NELFCD: variants seen among roughly 807,000 people sequenced by gnomAD.
NELFCD encodes the protein negative elongation factor complex member C/D, also known as negative elongation factor C/D.
NELFCD carries 48 observed loss-of-function variants against 72.9 expected under a neutral mutation model. That is an observed-to-expected ratio of 0.66 (90% confidence interval 0.52 to 0.84). The LOEUF is 0.84. Among genes scored for constraint, NELFCD ranks in the 40% least tolerant of loss-of-function variants. NELFCD has a pLI of 0.00. For synonymous variants in NELFCD, 297 were observed against 280.6 expected, an observed-to-expected ratio of 1.06 and a Z score of -0.59; for missense variants, 538 against 723.8, an observed-to-expected ratio of 0.74 and a Z score of 2.94.
chr20:58,990,765 T>G, intron 7 of NELFCD, 145 bp from the exon 8 acceptor site: 1 of 684,518 alleles, frequency 1.5e-6, no homozygotes, highest in Non-Finnish European at 2.5e-6. Flanking sequence ...TCCAGTGTTG[T>G]AAATGTTATT....
intron 6 of NELFCD, 96 bp from the exon 7 acceptor site, chr20:58,989,762 C>T (rs757688195): frequency 6.2e-7 from 1 of 1,606,174 alleles, no homozygotes. Context: ...CCAGGATGCT[C>T]ACTCCCGGGC....
intron 4 of NELFCD, among the ~76,000 whole-genome samples, chr20:58,988,396 G>A (rs1230786069): frequency 6.6e-6 from 1 of 152,222 alleles, no homozygotes; most frequent in African/African-American, 2.4e-5. Context: ...TGCTTTTGAG[G>A]CCCTGCTGCA....
chr20:58,991,761 T>C, intron 9 of NELFCD, 120 bp from the exon 10 acceptor site: 1 of 1,189,430 alleles, frequency 8.4e-7, no homozygotes, highest in South Asian at 1.6e-5. Context: ...ACAGCTGAAT[T>C]GACTCCCAAC....
rs1195666150 is a variant in NELFCD, at chr20:58,993,577, TGAG to T, written c.1440+39_1441-39del. On this transcript the variant is annotated intron_variant, in intron 12 of 14. Transcript: ENST00000652272. This position sits in a 1 kb window ranked among gnomAD's most constrained non-coding sequence, Gnocchi z 5.0. ...GTGCCCGTGGGGCTTGCCAGAGGGC[TGAG>T]GAGGACCCTCTCTAACCAGCTCCCT... The T allele has an allele frequency of 1.2e-6, 2 of 1,614,078 alleles. No homozygotes were observed. The highest frequency in any genetic ancestry group is 1.6e-4 in the Middle Eastern group (1 of 6,084).
In NELFCD at chr20:58,993,580, G is replaced by A. The variant is rs1055788621; in HGVS notation, c.1440+36G>A. ...CCCGTGGGGCTTGCCAGAGGGCTGAGGAGGACCCTCTCTAACCAGCTCCCT... is the reference window on the plus strand; with the variant it reads ...CCCGTGGGGCTTGCCAGAGGGCTGAAGAGGACCCTCTCTAACCAGCTCCCT... On this transcript the variant is annotated intron_variant, in intron 12 of 14. Transcript: ENST00000652272. This position sits in a 1 kb window ranked among gnomAD's most constrained non-coding sequence, Gnocchi z 5.0. 1 of 1,614,202 alleles carries A rather than the reference G, an allele frequency of 6.2e-7. No individual in the cohort carries two copies. The highest frequency in any genetic ancestry group is 2.2e-5 in the East Asian group (1 of 44,886).
In NELFCD at chr20:58,981,327, C is replaced by A; in HGVS notation, c.18C>A (p.Tyr6Ter). 9.1e-7 allele frequency: 1 copy of A among 1,103,128 alleles called. No homozygotes were observed. 68.3% of individuals were successfully genotyped at this position (1,103,128 alleles called of 1,614,324 possible). Residue 6 changes from tyrosine (Y) to a stop codon, truncating the protein, a stop_gained, in exon 1 of 15, where the codon TAC becomes TAA. Coordinates refer to ENST00000652272, the MANE Select transcript of NELFCD (RefSeq NM_198976.4). LOFTEE classifies it high-confidence loss of function. The part of the protein sequence containing the change: MDEDY[Y>*]GSAAEWGDEA... ...GCGCCATCATGGACGAGGACTACTA[C>A]GGGAGCGCGGCCGAGTGGGGCGACG...
intron 6 of NELFCD, 44 bp downstream of exon 6, chr20:58,989,684 T>C (rs746100841): frequency 6.2e-7 from 1 of 1,613,416 alleles, no homozygotes; most frequent in Non-Finnish European, 8.5e-7. Flanking sequence ...GGAGGCTGCT[T>C]TGGGTCTTGG....
intron 5 of NELFCD, chr20:58,989,280 A>T: frequency 1.5e-6 from 1 of 649,742 alleles, no homozygotes; most frequent in Admixed American, 2.8e-5. Context: ...TGCCTGCTTG[A>T]TCTTCCTCTT....
Position 58,993,928 on chromosome 20 carries a change from A to G in NELFCD, c.1581+164A>G. 9.4e-7 allele frequency: 1 copy of G among 1,069,184 alleles called. No homozygotes were observed. The highest frequency in any genetic ancestry group is 1.4e-6 in the Non-Finnish European group (1 of 726,246). 66.2% of individuals were successfully genotyped at this position (1,069,184 alleles called of 1,614,324 possible). A position where few individuals can be genotyped will look rare whatever the true frequency, so the allele number is the denominator to read the frequency against. On this transcript the variant is annotated intron_variant, in intron 13 of 14. Transcript: ENST00000652272. This position sits in a 1 kb window ranked among gnomAD's most constrained non-coding sequence, Gnocchi z 5.0. The stretch of plus-strand genomic sequence containing the variant: ...CCAAAAAGCACCTTCTGCCTGCAGC[A>G]GCTGTATGACACACTTTACCTCCAT...
At chr20:58,985,362 G>A (rs2146348900) in intron 1 of NELFCD, among the ~76,000 whole-genome samples, 1 of 152,330 alleles carries the variant, frequency 6.6e-6, no homozygotes, top group Middle Eastern at 3.4e-3. Flanking sequence ...TTCCTTGGTT[G>A]ATGAGCATAG....
chr20:58,988,932 C>T lies in NELFCD; in HGVS notation c.415C>T (p.Gln139Ter). ...EEGETPAWLEQMIAHTTWRDL... is the reference protein window; with the variant it reads ...EEGETPAWLE ...TTGGCAGACCCCAGCGTGGCTGGAACAGATGATTGCACATACCACGTGGCG... is the reference window on the plus strand; with the variant it reads ...TTGGCAGACCCCAGCGTGGCTGGAATAGATGATTGCACATACCACGTGGCG... The change falls in exon 5 of 15, where the codon CAG becomes TAG. Residue 139 changes from glutamine to a stop codon, truncating the protein, a stop_gained. Coordinates refer to ENST00000652272, the MANE Select transcript of NELFCD (RefSeq NM_198976.4). LOFTEE classifies it high-confidence loss of function. The T allele has an allele frequency of 6.2e-7, 1 of 1,614,108 alleles. No individual in the cohort carries two copies. The highest frequency in any genetic ancestry group is 8.5e-7 in the Non-Finnish European group (1 of 1,179,926).
Position 58,986,245 on chromosome 20 carries a change from G to C in NELFCD, c.176+37G>C, listed in dbSNP as rs1380964620. 2 of 1,396,344 alleles carry C rather than the reference G, an allele frequency of 1.4e-6. No homozygotes were observed. Among genetic ancestry groups the C allele is most frequent in the South Asian group, 2.3e-5 (2 of 86,478 alleles). The allele number at this position is 1,396,344 out of a possible 1,614,324, so 86.5% of individuals were successfully genotyped here. A position where few individuals can be genotyped will look rare whatever the true frequency, so the allele number is the denominator to read the frequency against. On this transcript the variant is annotated intron_variant, in intron 2 of 14. Transcript: ENST00000652272. The surrounding 1 kb of genome is among the most constrained non-coding windows in gnomAD (Gnocchi z 4.4). ...AGGTGTCTGTATTGGGAGGAGGCTG[G>C]GGGTAATTTAGAGAAAGTTTTGTAA...
chr20:58,986,787 T>C lies in NELFCD; in HGVS notation c.210T>C (p.Val70=), dbSNP rs909859276. The C allele has an allele frequency of 6.2e-7, 1 of 1,614,016 alleles. No homozygotes were observed. Among genetic ancestry groups the C allele is most frequent in the Non-Finnish European group, 8.5e-7 (1 of 1,179,888 alleles). ...YFQAGGSPEN[V]IQLLSENYTA... ...AGGCAGGAGGGTCTCCAGAGAATGT[T>C]ATCCAGCTCTTATCTGAAAACTACA... The change falls in exon 3 of 15, where the codon GTT becomes GTC. Residue 70 remains valine (V), a synonymous_variant. Transcript: ENST00000652272. This position sits in a 1 kb window ranked among gnomAD's most constrained non-coding sequence, Gnocchi z 4.4.
At position 58,989,642 on chromosome 20, in the gene NELFCD, TA is replaced by T. The variant is rs1414051171; in HGVS notation, c.657+4del. The T allele has an allele frequency of 6.2e-7, 1 of 1,614,062 alleles. No homozygotes were observed. The highest frequency in any genetic ancestry group is 8.5e-7 in the Non-Finnish European group (1 of 1,180,026). On this transcript the variant is annotated splice_donor_region_variant and intron_variant, in intron 6 of 14. Transcript: ENST00000652272. ...GAAAAAAATCTCCCTGAGTTTGCCG[TA>T]AGTTCTTTCTTTATGAACCTCAGAT...
rs368566687 is a variant in NELFCD, at chr20:58,991,045, C to T, written c.924C>T (p.Phe308=). 6.2e-7 allele frequency: 1 copy of T among 1,614,170 alleles called. No homozygotes were observed. The highest frequency in any genetic ancestry group is 8.5e-7 in the Non-Finnish European group (1 of 1,180,014). The change falls in exon 8 of 15, where the codon TTC becomes TTT. Residue 308 remains phenylalanine (F), a synonymous_variant. Transcript: ENST00000652272. ...PADITVLFKM[F]TSMDPPPVEL... The stretch of plus-strand genomic sequence containing the variant: ...ACATCACCGTCCTGTTCAAGATGTT[C>T]ACAAGCATGGACCCTCCTCCGGTTG...
At chr20:58,990,782 G>A (rs1244291475) in intron 7 of NELFCD, 128 bp from the exon 8 acceptor site, 3 of 760,702 alleles carry the variant, frequency 3.9e-6, no homozygotes, top group Non-Finnish European at 6.4e-6. Context: ...TATTTTTGTG[G>A]GTCAGTCAGT....
chr20:58,991,358 A>T lies in NELFCD; in HGVS notation c.1001A>T (p.Lys334Ile). The T allele has an allele frequency of 6.2e-7, 1 of 1,614,182 alleles. No individual in the cohort carries two copies. The highest frequency in any genetic ancestry group is 8.5e-7 in the Non-Finnish European group (1 of 1,180,034). ...FLDLFMQSLF[K>I]PGARINQDHK... ...GACCTGTTCATGCAGTCACTCTTTAAACCAGGGGCTCGGATCAACCAGGAC... is the reference window on the plus strand; with the variant it reads ...GACCTGTTCATGCAGTCACTCTTTATACCAGGGGCTCGGATCAACCAGGAC... Residue 334 changes from lysine (K) to isoleucine (I), a missense_variant, in exon 9 of 15, where the codon AAA becomes ATA. Lys to Ile is a moderately radical substitution (Grantham distance 102, BLOSUM62 -3). Transcript: ENST00000652272.
rs1569056832 is a variant in NELFCD at position 58,986,094 on chromosome 20, A to G, written c.62A>G (p.Gln21Arg). Residue 21 changes from glutamine to arginine, a missense_variant and splice_region_variant, in exon 2 of 15, where the codon CAG (glutamine) becomes CGG (arginine). Coordinates refer to ENST00000652272, the MANE Select transcript of NELFCD (RefSeq NM_198976.4). This position sits in a 1 kb window ranked among gnomAD's most constrained non-coding sequence, Gnocchi z 4.4. ...EWGDEADGGQ[Q>R]EDDSGEGEDD... The stretch of plus-strand genomic sequence containing the variant: ...CTGGCTCTTCGCATTTACCAACAGC[A>G]GGAGGATGATTCTGGAGAAGGAGAG... 1 of 1,607,408 alleles carries G rather than the reference A, an allele frequency of 6.2e-7. No individual in the cohort carries two copies. Among genetic ancestry groups the G allele is most frequent in the Non-Finnish European group, 8.5e-7 (1 of 1,173,830 alleles).
intron 14 of NELFCD, 24 bp downstream of exon 14, chr20:58,994,263 T>C: frequency 6.2e-7 from 1 of 1,610,580 alleles, no homozygotes; most frequent in East Asian, 2.2e-5. Context: ...CCTAGCCCTT[T>C]ACTACAATAG....
Sources: gnomAD v4.1 joint callset for allele counts (sites outside exome capture counted in the v4.1 genomes callset) on GRCh38, gnomAD v4.1.1 for gene constraint, Gnocchi (gnomAD v3.1) non-coding constraint, MANE v1.5 for transcripts, NCBI Gene and HGNC (gene_info 2026-07-23, HGNC 2026-07-21) for gene names.